The following RLN1 variants were observed in gnomAD, a reference collection of about 807,000 sequenced individuals.
RLN1 encodes prorelaxin H1.
A neutral mutation model predicts 7.2 loss-of-function variants in RLN1; 4 were observed. The observed-to-expected ratio is 0.56, with a 90% CI of 0.28 to 1.28. The LOEUF is 1.28. RLN1 is among the 50% of genes most tolerant of loss of function. The pLI, the probability that RLN1 is intolerant of heterozygous loss-of-function variation, is 0.11. For synonymous variants in RLN1, 105 were observed against 86.0 expected (o/e 1.22, Z -1.22); for missense variants, 293 against 221.1 (o/e 1.32, Z -2.06).
chr9:5,340,175 T>A (rs1816963481), upstream of RLN1, among the ~76,000 whole-genome samples: 2 of 152,218 alleles, frequency 1.3e-5, no homozygotes, highest in Admixed American at 6.5e-5. Flanking sequence ...GAGTGAACAT[T>A]TGCCAAAAAC....
At position 5,335,239 on chromosome 9, in the gene RLN1, A is replaced by T; in HGVS notation, c.*12T>A. On this transcript the variant is annotated 3_prime_UTR_variant, in exon 2 of 2. Coordinates refer to ENST00000223862, the MANE Select transcript of RLN1 (RefSeq NM_006911.4). ...GTGAAAATTAGACAAGATGTGCACAATTAGCTTCATCTCAGCAATATTTAG... is the reference window on the plus strand; with the variant it reads ...GTGAAAATTAGACAAGATGTGCACATTTAGCTTCATCTCAGCAATATTTAG... 1 of 1,538,326 alleles carries T rather than the reference A, an allele frequency of 6.5e-7. No homozygotes were observed. Among genetic ancestry groups the T allele is most frequent in the Non-Finnish European group, 8.8e-7 (1 of 1,134,882 alleles).
At position 5,335,299 on chromosome 9, in the gene RLN1, T is replaced by A; in HGVS notation, c.510A>T (p.Lys170Asn). ...KRRPYVALFE[K>N]CCLIGCTKRS... ...TTTTGGTACAACCAATTAGGCAACATTTCTCAAACAGTGCCACGTAGGGTC... is the reference window on the plus strand; with the variant it reads ...TTTTGGTACAACCAATTAGGCAACAATTCTCAAACAGTGCCACGTAGGGTC... Residue 170 changes from lysine to asparagine, a missense_variant, in exon 2 of 2, where the codon AAA becomes AAT. Physicochemically the swap from Lys to Asn is moderately conservative, Grantham distance 94. Transcript: ENST00000223862. The A allele has an allele frequency of 6.2e-7, 1 of 1,603,494 alleles. No individual in the cohort carries two copies. Among genetic ancestry groups the A allele is most frequent in the South Asian group, 1.1e-5 (1 of 87,918 alleles).
In RLN1 at chr9:5,335,092, T is replaced by A. The variant is rs1311070642; in HGVS notation, c.*159A>T. On this transcript the variant is annotated 3_prime_UTR_variant, in exon 2 of 2. Transcript: ENST00000223862. The stretch of plus-strand genomic sequence containing the variant: ...AAAGTGTCATTTACAGAAACTACAA[T>A]CATACAAAGAATATTTTCTTACACA... 2.0e-6 allele frequency: 1 copy of A among 512,034 alleles called. No homozygotes were observed. The highest frequency in any genetic ancestry group is 3.4e-6 in the Non-Finnish European group (1 of 295,710). 31.7% of individuals were successfully genotyped at this position (512,034 alleles called of 1,614,324 possible). A position where few individuals can be genotyped will look rare whatever the true frequency, so the allele number is the denominator to read the frequency against.
Position 5,335,254 on chromosome 9 carries a change from G to C in RLN1, c.555C>G (p.Cys185Trp), listed in dbSNP as rs768577986. The C allele has an allele frequency of 2.5e-6, 4 of 1,573,874 alleles. No homozygotes were observed. Among genetic ancestry groups the C allele is most frequent in the South Asian group, 2.4e-5 (2 of 84,260 alleles). The change falls in exon 2 of 2, where the codon TGC becomes TGG. Residue 185 changes from cysteine (C) to tryptophan (W), a missense_variant. Transcript: ENST00000223862. ...GCTKRSLAKY[C>W] ...GATGTGCACAATTAGCTTCATCTCAGCAATATTTAGCAAGAGACCTTTTGG... is the reference window on the plus strand; with the variant it reads ...GATGTGCACAATTAGCTTCATCTCACCAATATTTAGCAAGAGACCTTTTGG...
upstream of RLN1, among the ~76,000 whole-genome samples, chr9:5,340,692 C>G (rs1054090722): frequency 6.6e-6 from 1 of 152,116 alleles, no homozygotes; most frequent in African/African-American, 2.4e-5. Flanking sequence ...AGAGGTGATT[C>G]TTTTTTTATT....
intron 1 of RLN1, chr9:5,339,334 T>C: frequency 2.1e-6 from 1 of 472,752 alleles, no homozygotes; most frequent in Non-Finnish European, 3.5e-6. Context: ...CCGGTGAGAT[T>C]CCCAGTGAGA....
At position 5,335,360 on chromosome 9, in the gene RLN1, T is replaced by C; in HGVS notation, c.449A>G (p.Tyr150Cys). Residue 150 changes from tyrosine to cysteine, a missense_variant, in exon 2 of 2, where the codon TAC (tyrosine) becomes TGC (cysteine). Physicochemically the swap from Tyr to Cys is radical, Grantham distance 194. Transcript: ENST00000223862. ...AADSNPSELK[Y>C]LGLDTHSQKK... is the part of the protein sequence containing the mutation. ...TTGAGAATGAGTATCCAAGCCTAAG[T>C]ATTTTAATTCTGAAGGATTGCTGTC... 1 of 1,613,574 alleles carries C rather than the reference T, an allele frequency of 6.2e-7. No individual in the cohort carries two copies. The highest frequency in any genetic ancestry group is 8.5e-7 in the Non-Finnish European group (1 of 1,179,678).
chr9:5,336,868 C>T (rs992337392), intron 1 of RLN1, among the ~76,000 whole-genome samples: 6 of 151,934 alleles, frequency 3.9e-5, no homozygotes, highest in Admixed American at 3.3e-4. Flanking sequence ...GAAACCACGA[C>T]CCTTCACCTA....
In RLN1 at chr9:5,339,721, A is replaced by C. The variant is rs771342159; in HGVS notation, c.26T>G (p.Leu9Arg). 8 of 1,613,358 alleles carry C rather than the reference A, an allele frequency of 5.0e-6. No homozygotes were observed. In the African/African-American group the frequency reaches 5.4e-5, roughly 11 times the overall value. The change falls in exon 1 of 2, where the codon CTG (leucine) becomes CGG (arginine). Residue 9 changes from leucine (L) to arginine (R), a missense_variant. Transcript: ENST00000223862. The part of the protein sequence containing the change: MPRLFLFH[L>R]LEFCLLLNQF... ...GTTCAGTAGTAAACAGAATTCTAGCAGGTGGAACAAGAACAGGCGAGGCAT... is the reference window on the plus strand; with the variant it reads ...GTTCAGTAGTAAACAGAATTCTAGCCGGTGGAACAAGAACAGGCGAGGCAT...
At chr9:5,337,000 A>G (rs1279764817) in intron 1 of RLN1, among the ~76,000 whole-genome samples, 1 of 151,820 alleles carries the variant, frequency 6.6e-6, no homozygotes. Context: ...AAAACAAAAC[A>G]AAACAAAACA....
upstream of RLN1, among the ~76,000 whole-genome samples, chr9:5,340,448 G>A (rs1816968793): frequency 2.0e-5 from 3 of 152,108 alleles, no homozygotes; most frequent in South Asian, 4.1e-4. Context: ...AAGTTTGATT[G>A]TAACTAGTTG....
rs1816956198 is a variant in RLN1, at chr9:5,339,836, T to A, written c.-90A>T. ...CTACACACCTGGGCCTGTGTGCCTG[T>A]CCCGGGCTTTAGGCTGCTTTCCCTA... On this transcript the variant is annotated 5_prime_UTR_variant, in exon 1 of 2. Coordinates refer to ENST00000223862, the MANE Select transcript of RLN1 (RefSeq NM_006911.4). The A allele has an allele frequency of 8.1e-6, 11 of 1,358,140 alleles. 1 individual carries two copies. The South Asian group carries it at 1.1e-4, about 14-fold the overall frequency. 84.1% of individuals were successfully genotyped at this position (1,358,140 alleles called of 1,614,324 possible). A position where few individuals can be genotyped will look rare whatever the true frequency, so the allele number is the denominator to read the frequency against.
chr9:5,335,154 A>G lies in RLN1; in HGVS notation c.*97T>C, dbSNP rs552320090. On this transcript the variant is annotated 3_prime_UTR_variant, in exon 2 of 2. Transcript: ENST00000223862. ...ATCTAAACATTAATAAAGATTTCTTATATTCTAATAATTAGTGGGACCTGA... is the reference window on the plus strand; with the variant it reads ...ATCTAAACATTAATAAAGATTTCTTGTATTCTAATAATTAGTGGGACCTGA... The G allele has an allele frequency of 3.0e-6, 2 of 656,018 alleles. No individual in the cohort carries two copies. The highest frequency in any genetic ancestry group is 2.9e-5 in the East Asian group (1 of 34,984). 40.6% of individuals were successfully genotyped at this position (656,018 alleles called of 1,614,324 possible). A position where few individuals can be genotyped will look rare whatever the true frequency, so the allele number is the denominator to read the frequency against.
chr9:5,335,578 G>C lies in RLN1; in HGVS notation c.231C>G (p.Ile77Met), dbSNP rs761326778. 2.5e-6 allele frequency: 4 copies of C among 1,606,416 alleles called. No homozygotes were observed. Among genetic ancestry groups the C allele is most frequent in the East Asian group, 2.2e-5 (1 of 44,810 alleles). The stretch of plus-strand genomic sequence containing the variant: ...TAATTATAGTTTCTGTATCTTTGTT[G>C]ATGAAGGATGGTACAATTTCTGTTA... ...RPVAEIVPSF[I>M]NKDTETIIIM... is the part of the protein sequence containing the mutation. The change falls in exon 2 of 2, where the codon ATC becomes ATG. Residue 77 changes from isoleucine to methionine, a missense_variant. Coordinates refer to ENST00000223862, the MANE Select transcript of RLN1 (RefSeq NM_006911.4).
chr9:5,339,718 A>C lies in RLN1; in HGVS notation c.29T>G (p.Leu10Arg). 1 of 1,613,442 alleles carries C rather than the reference A, an allele frequency of 6.2e-7. No individual in the cohort carries two copies. The change falls in exon 1 of 2, where the codon CTA becomes CGA. Residue 10 changes from leucine (L) to arginine (R), a missense_variant. Coordinates refer to ENST00000223862, the MANE Select transcript of RLN1 (RefSeq NM_006911.4). MPRLFLFHL[L>R]EFCLLLNQFS... ...TTGGTTCAGTAGTAAACAGAATTCT[A>C]GCAGGTGGAACAAGAACAGGCGAGG...
rs1816957194 is a variant in RLN1 at position 5,339,876 on chromosome 9, T to A, written c.-130A>T. The A allele has an allele frequency of 2.3e-6, 2 of 883,628 alleles. No homozygotes were observed. The highest frequency in any genetic ancestry group is 3.6e-6 in the Non-Finnish European group (2 of 560,830). 54.7% of individuals were successfully genotyped at this position (883,628 alleles called of 1,614,324 possible). On this transcript the variant is annotated 5_prime_UTR_variant, in exon 1 of 2. Transcript: ENST00000223862. The stretch of plus-strand genomic sequence containing the variant: ...TGCTTTCCCTACCCGGCTCAACCAG[T>A]CTTTAGTATGGGCTATCACTCAGCT...
chr9:5,339,173 G>T (rs1816940827), intron 1 of RLN1: 8 of 195,592 alleles, frequency 4.1e-5, no homozygotes, highest in Non-Finnish European at 7.3e-5. Context: ...GGGTGCAGGA[G>T]TGCGCCCGGC....
At position 5,339,701 on chromosome 9, in the gene RLN1, G is replaced by C. The variant is rs1162864198; in HGVS notation, c.46C>G (p.Leu16Val). 1.2e-6 allele frequency: 2 copies of C among 1,613,338 alleles called. No individual in the cohort carries two copies. Among genetic ancestry groups the C allele is most frequent in the South Asian group, 1.1e-5 (1 of 91,072 alleles). Residue 16 changes from leucine (L) to valine (V), a missense_variant, in exon 1 of 2, where the codon CTG becomes GTG. Transcript: ENST00000223862. ...LFHLLEFCLLLNQFSRAVAAK... is the reference protein window; with the variant it reads ...LFHLLEFCLLVNQFSRAVAAK... ...GCGACTGCTCTGGAAAATTGGTTCA[G>C]TAGTAAACAGAATTCTAGCAGGTGG...
At chr9:5,339,450 G>C in intron 1 of RLN1, 86 bp downstream of exon 1, 1 of 861,518 alleles carries the variant, frequency 1.2e-6, no homozygotes, top group Non-Finnish European at 1.8e-6. Flanking sequence ...CGAGTCGGAC[G>C]TGCAGGCCGC....
Sources: allele counts gnomAD v4.1 joint callset (sites outside exome capture counted in the v4.1 genomes callset), GRCh38; gene constraint gnomAD v4.1.1; transcripts MANE v1.5; gene names NCBI Gene and HGNC (gene_info 2026-07-23, HGNC 2026-07-21).